ASIC2: variants seen among roughly 807,000 people sequenced by gnomAD.
ASIC2 encodes the protein acid sensing ion channel subunit 2.
In ASIC2, 25 loss-of-function variants were observed where a neutral mutation model predicts 57.3. The ratio of observed to expected loss-of-function variants is 0.44; its 90% CI spans 0.32 to 0.61. ASIC2 has a LOEUF of 0.61. Among genes scored for constraint, ASIC2 ranks in the 20% least tolerant of loss-of-function variants. The pLI is 0.06. For synonymous variants in ASIC2, 319 were observed against 307.5 expected, an observed-to-expected ratio of 1.04 and a Z score of -0.39; for missense variants, 641 against 738.1, an observed-to-expected ratio of 0.87 and a Z score of 1.52.
intron 1 of ASIC2, among the ~76,000 whole-genome samples, chr17:33,652,232 G>T (rs1906943208): frequency 6.6e-6 from 1 of 152,204 alleles, no homozygotes; most frequent in Admixed American, 6.5e-5. Flanking sequence ...CCCCAGGTGG[G>T]CAGGAGACTA....
chr17:33,790,910 G>A (rs897324231), intron 1 of ASIC2, among the ~76,000 whole-genome samples: 2 of 152,100 alleles, frequency 1.3e-5, no homozygotes, highest in South Asian at 4.1e-4. Context: ...ACTCCATTAG[G>A]CAGATGCTAT....
intron 1 of ASIC2, among the ~76,000 whole-genome samples, chr17:34,084,061 C>T (rs1002052648): frequency 5.3e-5 from 8 of 151,672 alleles, no homozygotes; most frequent in African/African-American, 1.9e-4. Context: ...CTTTTGTTGC[C>T]ATTGCTTTTG....
intron 2 of ASIC2, among the ~76,000 whole-genome samples, chr17:33,105,208 T>A (rs1176866006): frequency 6.6e-6 from 1 of 152,174 alleles, no homozygotes; most frequent in Non-Finnish European, 1.5e-5. Context: ...GTAGCTCCCA[T>A]AATCCCCACG....
intron 1 of ASIC2, among the ~76,000 whole-genome samples, chr17:33,897,320 C>T (rs1461634359): frequency 1.3e-5 from 2 of 152,140 alleles, no homozygotes; most frequent in Admixed American, 1.3e-4. Flanking sequence ...TGGTTTTGCC[C>T]CAAAGCCTCT....
intron 1 of ASIC2, chr17:34,070,482 G>T (rs923899166): frequency 3.9e-5 from 6 of 152,152 alleles, no homozygotes; most frequent in Non-Finnish European, 8.8e-5. Flanking sequence ...AAAAGGTAAA[G>T]ACAGAAGTCA....
At chr17:33,941,520 A>G (rs374370530) in intron 1 of ASIC2, among the ~76,000 whole-genome samples, 1 of 152,196 alleles carries the variant, frequency 6.6e-6, no homozygotes. Flanking sequence ...TAGAGACATC[A>G]TCTGCTCTCA....
intron 1 of ASIC2, among the ~76,000 whole-genome samples, chr17:34,059,625 G>A (rs1334281154): frequency 2.6e-5 from 4 of 152,170 alleles, no homozygotes; most frequent in Non-Finnish European, 5.9e-5. Context: ...CCCTCCTCCT[G>A]CAAACAGACT....
intron 1 of ASIC2, among the ~76,000 whole-genome samples, chr17:33,995,399 T>C (rs1168458925): frequency 2.0e-5 from 3 of 152,002 alleles, no homozygotes; most frequent in Non-Finnish European, 4.4e-5. Context: ...ACCCACCTCT[T>C]CTACCTCATC....
intron 1 of ASIC2, among the ~76,000 whole-genome samples, chr17:33,803,263 A>G (rs1912180319): frequency 6.6e-6 from 1 of 152,172 alleles, no homozygotes; most frequent in Non-Finnish European, 1.5e-5. Flanking sequence ...ATTACACATA[A>G]ACATGGTTCT....
chr17:33,054,062 T>C (rs1228455121), intron 3 of ASIC2, among the ~76,000 whole-genome samples: 1 of 152,100 alleles, frequency 6.6e-6, no homozygotes, highest in Non-Finnish European at 1.5e-5. Context: ...TCTTTCTGCT[T>C]GTCAGCCTGC....
chr17:33,966,004 C>T (rs1905062642), intron 1 of ASIC2, among the ~76,000 whole-genome samples: 1 of 152,220 alleles, frequency 6.6e-6, no homozygotes, highest in Non-Finnish European at 1.5e-5. Context: ...GCCAGCCTGC[C>T]AAGGCCTTCA....
chr17:34,099,045 C>T (rs1480912870), intron 1 of ASIC2, among the ~76,000 whole-genome samples: 1 of 149,408 alleles, frequency 6.7e-6, no homozygotes, highest in African/African-American at 2.5e-5. Flanking sequence ...ATAGATTAGC[C>T]TGCTAGAGGA....
chr17:33,483,163 A>C (rs1405817693), intron 1 of ASIC2, among the ~76,000 whole-genome samples: 2 of 152,224 alleles, frequency 1.3e-5, no homozygotes, highest in Non-Finnish European at 2.9e-5. Flanking sequence ...TGACTCTTCC[A>C]GCCCGTTACT....
intron 1 of ASIC2, among the ~76,000 whole-genome samples, chr17:33,594,852 G>T (rs1904934849): frequency 6.6e-6 from 1 of 150,902 alleles, no homozygotes; most frequent in Admixed American, 6.6e-5. Context: ...AAAGAGCTCT[G>T]TTTAAGCGGT....
intron 1 of ASIC2, among the ~76,000 whole-genome samples, chr17:33,142,234 C>G (rs1477721869): frequency 6.6e-6 from 1 of 152,156 alleles, no homozygotes; most frequent in Non-Finnish European, 1.5e-5. Flanking sequence ...AGTAAGGACT[C>G]AAAAGTGAGC....
intron 1 of ASIC2, among the ~76,000 whole-genome samples, chr17:33,877,029 T>G (rs949815267): frequency 6.6e-6 from 1 of 152,210 alleles, no homozygotes; most frequent in South Asian, 2.1e-4. Context: ...ACAATTACAA[T>G]AGGTAATAGA....
At chr17:33,320,656 G>C (rs930302439) in intron 1 of ASIC2, among the ~76,000 whole-genome samples, 6 of 152,142 alleles carry the variant, frequency 3.9e-5, no homozygotes, top group African/African-American at 1.4e-4. Flanking sequence ...TTCCATAAGT[G>C]ATTTGCTTTC....
At chr17:34,060,209 T>C (rs912750758) in intron 1 of ASIC2, among the ~76,000 whole-genome samples, 2 of 152,170 alleles carry the variant, frequency 1.3e-5, no homozygotes, top group African/African-American at 2.4e-5. Flanking sequence ...TGGAGCCAGG[T>C]AGGCTCACTG....
At chr17:33,684,034 T>C (rs148810758) in intron 1 of ASIC2, among the ~76,000 whole-genome samples, 7 of 152,228 alleles carry the variant, frequency 4.6e-5, no homozygotes, top group African/African-American at 1.4e-4. Context: ...AGAATATCCA[T>C]ACATTTGCAT....
Sources: gnomAD v4.1 joint callset for allele counts (sites outside exome capture counted in the v4.1 genomes callset) on GRCh38, gnomAD v4.1.1 for gene constraint, MANE v1.5 for transcripts, NCBI Gene and HGNC (gene_info 2026-07-23, HGNC 2026-07-21) for gene names.